The following FILIP1L variants were observed in gnomAD, a reference collection of about 807,000 sequenced individuals.
The protein encoded by FILIP1L is filamin A interacting protein 1 like, also known as filamin A-interacting protein 1-like.
FILIP1L carries 55 observed loss-of-function variants against 96.6 expected under a neutral mutation model. The observed-to-expected ratio is 0.57, with a 90% CI of 0.46 to 0.71. The LOEUF is 0.71. FILIP1L is among the 30% of genes least tolerant of loss of function. The probability of loss-of-function intolerance (pLI) is 0.00; values close to 1 mark genes in which losing one functional copy is unlikely to be tolerated. For missense variants in FILIP1L, 1,304 were observed against 1,321.2 expected, an observed-to-expected ratio of 0.99 and a Z score of 0.20; for synonymous variants, 467 against 473.9, an observed-to-expected ratio of 0.99 and a Z score of 0.19.
Position 99,911,547 on chromosome 3 carries a change from T to C in FILIP1L, c.605+12683A>G, listed in dbSNP as rs1313829127. On this transcript the variant is annotated intron_variant, in intron 4 of 5. Coordinates refer to ENST00000477258, the MANE Select transcript of FILIP1L (RefSeq NM_001387850.1). ...GCATACAGGGTCTGTATGCCCTGGC[T>C]CTAAAATACTCATCCTCACCCGAGG... Among the ~76,000 whole-genome samples, 7 of 152,094 alleles carry C rather than the reference T, an allele frequency of 4.6e-5. No individual in the cohort carries two copies. In the East Asian group the frequency reaches 1.4e-3, roughly 29 times the overall value.
intron 5 of FILIP1L, among the ~76,000 whole-genome samples, chr3:99,839,736 C>T: frequency 6.6e-6 from 1 of 152,168 alleles, no homozygotes; most frequent in East Asian, 1.9e-4. Context: ...CAAGTATGAA[C>T]ATGCTCTCAG....
chr3:99,895,360 G>A (rs1706215092), intron 4 of FILIP1L, among the ~76,000 whole-genome samples: 2 of 150,636 alleles, frequency 1.3e-5, no homozygotes, highest in South Asian at 4.2e-4. Flanking sequence ...TATTTAGTGA[G>A]CTTTCAGTCA....
chr3:99,839,306 A>G (rs182675942), intron 5 of FILIP1L, among the ~76,000 whole-genome samples: 2 of 152,172 alleles, frequency 1.3e-5, no homozygotes, highest in African/African-American at 2.4e-5. Flanking sequence ...TAACATCTGC[A>G]TAGCTGCCTG....
At chr3:99,891,533 T>A (rs1320686414) in intron 4 of FILIP1L, among the ~76,000 whole-genome samples, 1 of 152,176 alleles carries the variant, frequency 6.6e-6, no homozygotes. Flanking sequence ...ATTGTATATA[T>A]TTTATTTTGC....
At chr3:100,060,016 G>T (rs1281327268) in intron 1 of FILIP1L, among the ~76,000 whole-genome samples, 2 of 150,944 alleles carry the variant, frequency 1.3e-5, no homozygotes, top group African/African-American at 4.9e-5. Context: ...GGCACAGGCA[G>T]TTTTCCTGCT....
At chr3:99,876,339 G>A in intron 4 of FILIP1L, 1 of 443,842 alleles carries the variant, frequency 2.3e-6, no homozygotes, top group Non-Finnish European at 3.0e-6. Flanking sequence ...TGTTCCGGCC[G>A]TGTGAACGGA....
chr3:99,851,561 C>T (rs576718423), intron 4 of FILIP1L, among the ~76,000 whole-genome samples: 10 of 152,236 alleles, frequency 6.6e-5, no homozygotes, highest in Middle Eastern at 3.4e-3. Context: ...AAATTAAATG[C>T]GGTAATTCAT....
At chr3:99,962,028 C>T (rs899176455) in intron 1 of FILIP1L, among the ~76,000 whole-genome samples, 2 of 151,962 alleles carry the variant, frequency 1.3e-5, no homozygotes, top group African/African-American at 2.4e-5. Context: ...TTAGGGATGT[C>T]GGGGAAATTT....
At chr3:100,076,083 C>T (rs1021632160) in intron 1 of FILIP1L, among the ~76,000 whole-genome samples, 11 of 152,128 alleles carry the variant, frequency 7.2e-5, no homozygotes, top group African/African-American at 2.7e-4. Flanking sequence ...GCTGATGCTT[C>T]CTGGAAACTC....
chr3:99,994,395 C>T (rs1056618520), intron 1 of FILIP1L, among the ~76,000 whole-genome samples: 1 of 152,190 alleles, frequency 6.6e-6, no homozygotes, highest in Non-Finnish European at 1.5e-5. Context: ...ACTTAACAGA[C>T]ATTTACAACA....
chr3:99,987,075 C>G (rs536409255), intron 1 of FILIP1L, among the ~76,000 whole-genome samples: 1 of 151,250 alleles, frequency 6.6e-6, no homozygotes, highest in African/African-American at 2.4e-5. Flanking sequence ...CAAAAAAATA[C>G]AAAAATTAGC....
intron 4 of FILIP1L, among the ~76,000 whole-genome samples, chr3:99,871,925 C>T (rs929943137): frequency 2.6e-5 from 4 of 152,142 alleles, no homozygotes; most frequent in Admixed American, 2.0e-4. Flanking sequence ...TATTGATTTT[C>T]ACAATGCTTC....
At chr3:100,093,812 T>C (rs1415805031) in intron 1 of FILIP1L, among the ~76,000 whole-genome samples, 1 of 152,246 alleles carries the variant, frequency 6.6e-6, no homozygotes, top group East Asian at 1.9e-4. Flanking sequence ...TGTAACCTTT[T>C]AGGATTGACA....
chr3:99,945,516 T>G (rs1223871746), intron 1 of FILIP1L, among the ~76,000 whole-genome samples: 1 of 152,134 alleles, frequency 6.6e-6, no homozygotes, highest in Non-Finnish European at 1.5e-5. Flanking sequence ...AGTAAATAAA[T>G]GGATGTCAGA....
intron 1 of FILIP1L, among the ~76,000 whole-genome samples, chr3:100,026,669 A>G (rs927151683): frequency 1.3e-5 from 2 of 152,110 alleles, no homozygotes; most frequent in African/African-American, 4.8e-5. Flanking sequence ...TCATCAGGAA[A>G]TCCTGTTGGC....
At chr3:99,950,104 G>A (rs1160664991) in intron 1 of FILIP1L, among the ~76,000 whole-genome samples, 2 of 152,136 alleles carry the variant, frequency 1.3e-5, no homozygotes, top group Admixed American at 6.6e-5. Flanking sequence ...GAACCATTAG[G>A]TTAGAGAACA....
chr3:99,920,427 T>G (rs1707088706), intron 4 of FILIP1L, among the ~76,000 whole-genome samples: 1 of 152,242 alleles, frequency 6.6e-6, no homozygotes, highest in Admixed American at 6.5e-5. Flanking sequence ...CAAAAATTAT[T>G]GGCATTGCTT....
intron 1 of FILIP1L, among the ~76,000 whole-genome samples, chr3:100,036,123 C>G (rs1286154686): frequency 6.6e-6 from 1 of 152,158 alleles, no homozygotes; most frequent in Non-Finnish European, 1.5e-5. Flanking sequence ...TATAGTAGTT[C>G]CTAAATCCAC....
intron 1 of FILIP1L, among the ~76,000 whole-genome samples, chr3:100,056,670 G>C (rs2065468573): frequency 6.6e-6 from 1 of 151,596 alleles, no homozygotes; most frequent in Admixed American, 6.6e-5. Flanking sequence ...GCTTTGGACT[G>C]CCACACAACC....
Sources: gnomAD v4.1 joint callset for allele counts (sites outside exome capture counted in the v4.1 genomes callset) on GRCh38, gnomAD v4.1.1 for gene constraint, MANE v1.5 for transcripts, NCBI Gene and HGNC (gene_info 2026-07-23, HGNC 2026-07-21) for gene names.